Variants in ONECUT3 observed in about 807,000 individuals in gnomAD.
ONECUT3 encodes the protein one cut domain family member 3.
ONECUT3 carries 11 observed loss-of-function variants against 16.8 expected under a neutral mutation model. That is an observed-to-expected ratio of 0.66 (90% confidence interval 0.41 to 1.09). ONECUT3 has a LOEUF of 1.09. Among genes scored for constraint, ONECUT3 ranks in the 50% least tolerant of loss-of-function variants. The probability of loss-of-function intolerance (pLI) is 0.00; values close to 1 mark genes in which losing one functional copy is unlikely to be tolerated. For missense variants in ONECUT3, 637 were observed against 629.9 expected (o/e 1.01, Z -0.12); for synonymous variants, 344 against 310.7 (o/e 1.11, Z -1.13).
At position 1,772,686 on chromosome 19, in the gene ONECUT3, C is replaced by CTTTT. The variant is rs201848533; in HGVS notation, c.1193-2446_1193-2443dup. Among the ~76,000 whole-genome samples the CTTTT allele has an allele frequency of 3.6e-3, 232 of 63,996 alleles. 4 individuals are homozygous for CTTTT. Among genetic ancestry groups the CTTTT allele is most frequent in the Non-Finnish European group, 4.6e-3 (175 of 37,680 alleles). 42.0% of individuals were successfully genotyped at this position (63,996 alleles called of 152,430 possible). Reference sequence around the variant, plus strand: ...CATTTTCTGGGATATCTGCTTTACTCTTTTTTTTTTTTTTTTTTTTTTTTG... The same window carrying CTTTT: ...CATTTTCTGGGATATCTGCTTTACTCTTTTTTTTTTTTTTTTTTTTTTTTTTTTG... On this transcript the variant is annotated intron_variant, in intron 1 of 1. Coordinates refer to ENST00000382349, the MANE Select transcript of ONECUT3 (RefSeq NM_001080488.2).
rs879418916 is a variant in ONECUT3 at position 1,780,052 on chromosome 19, GAGAC to G, written c.*4613_*4616del. The G allele has an allele frequency of 2.6e-5, 4 of 152,508 alleles. No homozygotes were observed. The highest frequency in any genetic ancestry group is 3.9e-4 in the East Asian group (2 of 5,156). The allele number at this position is 152,508 out of a possible 1,614,324, so 9.4% of individuals were successfully genotyped here. On this transcript the variant is annotated 3_prime_UTR_variant, in exon 2 of 2. Transcript: ENST00000382349. The stretch of plus-strand genomic sequence containing the variant: ...GAATTCCCAAGTGTCTTGTTCAGAG[GAGAC>G]AGACAATCAGCCTATTCTTGTCTTG...
In ONECUT3 at chr19:1,778,899, C is replaced by CACAT. The variant is rs1312354254; in HGVS notation, c.*3457_*3458insTACA. 6.6e-6 allele frequency: 1 copy of CACAT among 152,640 alleles called. No homozygotes were observed. The highest frequency in any genetic ancestry group is 1.9e-4 in the East Asian group (1 of 5,198). 9.5% of individuals were successfully genotyped at this position (152,640 alleles called of 1,614,324 possible). ...ACACACACACACACACACACACACACACACACACACACACCCCTACCTGTT... is the reference window on the plus strand; with the variant it reads ...ACACACACACACACACACACACACACACATACACACACACACACCCCTACCTGTT... On this transcript the variant is annotated 3_prime_UTR_variant, in exon 2 of 2. Coordinates refer to ENST00000382349, the MANE Select transcript of ONECUT3 (RefSeq NM_001080488.2).
In ONECUT3 at chr19:1,762,416, C is replaced by T. The variant is rs567781971; in HGVS notation, c.1192+7562C>T. Among the ~76,000 whole-genome samples, 1 of 152,362 alleles carries T rather than the reference C, an allele frequency of 6.6e-6. No homozygotes were observed. The highest frequency in any genetic ancestry group is 1.5e-5 in the Non-Finnish European group (1 of 68,020). On this transcript the variant is annotated intron_variant, in intron 1 of 1. Transcript: ENST00000382349. This position sits in a 1 kb window ranked among gnomAD's most constrained non-coding sequence, Gnocchi z 4.4. ...AGTTGCGGGGCAGCAGGGGTCCACG[C>T]ATTTCCAAGCGCCCTTTCCCGTCCA... is the stretch of plus-strand genomic sequence containing the variant.
rs8100213 is a variant in ONECUT3 at position 1,759,146 on chromosome 19, A to T, written c.1192+4292A>T. Among the ~76,000 whole-genome samples the T allele has an allele frequency of 3.5e-3, 531 of 152,262 alleles. 3 individuals carry two copies. Among genetic ancestry groups the T allele is most frequent in the African/African-American group, 0.012 (504 of 41,544 alleles). ...CAGAACGAAGTGTCCTAGGGACAAAAACCAGAGCTGTGTATGGAGTTGCAT... is the reference window on the plus strand; with the variant it reads ...CAGAACGAAGTGTCCTAGGGACAAATACCAGAGCTGTGTATGGAGTTGCAT... On this transcript the variant is annotated intron_variant, in intron 1 of 1. Transcript: ENST00000382349. The surrounding 1 kb of genome is among the most constrained non-coding windows in gnomAD (Gnocchi z 4.1).
At position 1,771,988 on chromosome 19, in the gene ONECUT3, ATTATTTATTTATTTAT is replaced by A. The variant is rs61311263; in HGVS notation, c.1193-3138_1193-3123del. On this transcript the variant is annotated intron_variant, in intron 1 of 1. Transcript: ENST00000382349. ...GCCACTTCATCCAGCCTATTTAGTTATTATTTATTTATTTATTTATTTATTTATTTATTTATTTATT... is the reference window on the plus strand; with the variant it reads ...GCCACTTCATCCAGCCTATTTAGTTATTATTTATTTATTTATTTATTTATT... 1.7e-3 allele frequency among the ~76,000 whole-genome samples: 247 copies of A among 141,392 alleles called. 1 individual carries two copies. Among genetic ancestry groups the A allele is most frequent in the African/African-American group, 5.8e-3 (220 of 38,156 alleles). The allele number at this position is 141,392 out of a possible 152,430, so 92.8% of individuals were successfully genotyped here.
At chr19:1,772,057 C>T (rs2068060506) in intron 1 of ONECUT3, among the ~76,000 whole-genome samples, 1 of 151,390 alleles carries the variant, frequency 6.6e-6, no homozygotes, top group South Asian at 2.1e-4. Flanking sequence ...CTCTGTTGCC[C>T]AGGCTGGAGT....
chr19:1,753,543 T>G lies in ONECUT3; in HGVS notation c.-120T>G. On this transcript the variant is annotated 5_prime_UTR_variant, in exon 1 of 2. Transcript: ENST00000382349. Reference sequence around the variant, plus strand: ...CCGCGCTCGCAGCCGGGCCGGGCCGTGCGCCGCGCAGCCTGGCAGCCTCGC... The same window carrying G: ...CCGCGCTCGCAGCCGGGCCGGGCCGGGCGCCGCGCAGCCTGGCAGCCTCGC... 1 of 291,676 alleles carries G rather than the reference T, an allele frequency of 3.4e-6. No homozygotes were observed. The highest frequency in any genetic ancestry group is 5.2e-6 in the Non-Finnish European group (1 of 192,222). The allele number at this position is 291,676 out of a possible 1,614,324, so 18.1% of individuals were successfully genotyped here. A position where few individuals can be genotyped will look rare whatever the true frequency, so the allele number is the denominator to read the frequency against.
At chr19:1,771,615 C>G (rs1256652076) in intron 1 of ONECUT3, among the ~76,000 whole-genome samples, 1 of 152,102 alleles carries the variant, frequency 6.6e-6, no homozygotes, top group Non-Finnish European at 1.5e-5. Context: ...ATTCTTGGTG[C>G]TCTGAAATTT....
At position 1,778,926 on chromosome 19, in the gene ONECUT3, C is replaced by T. The variant is rs1464186006; in HGVS notation, c.*3481C>T. ...CACACACACACACCCCTACCTGTTT[C>T]CGGACCCCACCCCAAACTTGGCCAG... is the stretch of plus-strand genomic sequence containing the variant. On this transcript the variant is annotated 3_prime_UTR_variant, in exon 2 of 2. Transcript: ENST00000382349. 6.7e-6 allele frequency: 1 copy of T among 149,386 alleles called. No homozygotes were observed. Among genetic ancestry groups the T allele is most frequent in the Non-Finnish European group, 1.5e-5 (1 of 67,868 alleles). The allele number at this position is 149,386 out of a possible 1,614,324, so 9.3% of individuals were successfully genotyped here.
At chr19:1,757,617 C>T (rs1020892173) in intron 1 of ONECUT3, among the ~76,000 whole-genome samples, 16 of 152,246 alleles carry the variant, frequency 1.1e-4, no homozygotes, top group African/African-American at 2.9e-4. Context: ...ACCTTGCGCA[C>T]CTGTCGCGTC....
rs1178306412 is a variant in ONECUT3 at position 1,762,246 on chromosome 19, G to GCCCTCCAA, written c.1192+7399_1192+7406dup. On this transcript the variant is annotated intron_variant, in intron 1 of 1. Coordinates refer to ENST00000382349, the MANE Select transcript of ONECUT3 (RefSeq NM_001080488.2). The surrounding 1 kb of genome is among the most constrained non-coding windows in gnomAD (Gnocchi z 4.4). ...CGCGCGCCCCCAGCTGCGCCCGCCA[G>GCCCTCCAA]CCCTCCAACCCTCCTGCCCTCCTGC... 6.6e-6 allele frequency among the ~76,000 whole-genome samples: 1 copy of GCCCTCCAA among 152,172 alleles called. No individual in the cohort carries two copies. Among genetic ancestry groups the GCCCTCCAA allele is most frequent in the Non-Finnish European group, 1.5e-5 (1 of 68,026 alleles).
At position 1,754,370 on chromosome 19, in the gene ONECUT3, G is replaced by A; in HGVS notation, c.708G>A (p.Gly236=). 1.8e-6 allele frequency: 2 copies of A among 1,104,174 alleles called. No individual in the cohort carries two copies. The highest frequency in any genetic ancestry group is 2.4e-5 in the South Asian group (1 of 41,964). 68.4% of individuals were successfully genotyped at this position (1,104,174 alleles called of 1,614,324 possible). A position where few individuals can be genotyped will look rare whatever the true frequency, so the allele number is the denominator to read the frequency against. Reference sequence around the variant, plus strand: ...ACGGCCCGCCAGGCCACCTGGCTGGGGACAAGCTGCTGCCGCCCGCCGCCT... The same window carrying A: ...ACGGCCCGCCAGGCCACCTGGCTGGAGACAAGCTGCTGCCGCCCGCCGCCT... ...AAYGPPGHLA[G]DKLLPPAAFE... The change falls in exon 1 of 2, where the codon GGG becomes GGA. Residue 236 remains glycine (G), a synonymous_variant. Coordinates refer to ENST00000382349, the MANE Select transcript of ONECUT3 (RefSeq NM_001080488.2). This position sits in a 1 kb window ranked among gnomAD's most constrained non-coding sequence, Gnocchi z 7.4.
At position 1,773,680 on chromosome 19, in the gene ONECUT3, G is replaced by A. The variant is rs140831200; in HGVS notation, c.1193-1473G>A. 1.6e-3 allele frequency among the ~76,000 whole-genome samples: 238 copies of A among 152,308 alleles called. 2 individuals carry two copies. The highest frequency in any genetic ancestry group is 5.5e-3 in the African/African-American group (228 of 41,556). On this transcript the variant is annotated intron_variant, in intron 1 of 1. Transcript: ENST00000382349. ...GGGGTCACAGAGTAGCTGGAACTCC[G>A]GGATGGAGACAAGGGCAGGACAGCC...
rs556459752 is a variant in ONECUT3 at position 1,775,015 on chromosome 19, G to A, written c.1193-138G>A. On this transcript the variant is annotated intron_variant, in intron 1 of 1. Coordinates refer to ENST00000382349, the MANE Select transcript of ONECUT3 (RefSeq NM_001080488.2). ...TTCTGGGCTCTCCCTGGGACCTTAT[G>A]TGCATTCGCCTTTCCCCAACGTGTC... is the stretch of plus-strand genomic sequence containing the variant. 3 of 582,194 alleles carry A rather than the reference G, an allele frequency of 5.2e-6. No homozygotes were observed. In the African/African-American group the frequency reaches 6.0e-5, roughly 12 times the overall value. The allele number at this position is 582,194 out of a possible 1,614,324, so 36.1% of individuals were successfully genotyped here.
rs185784220 is a variant in ONECUT3 at position 1,777,078 on chromosome 19, G to A, written c.*1633G>A. 61 of 152,322 alleles carry A rather than the reference G, an allele frequency of 4.0e-4. No individual in the cohort carries two copies. The highest frequency in any genetic ancestry group is 2.6e-3 in the Admixed American group (40 of 15,302). The allele number at this position is 152,322 out of a possible 1,614,324, so 9.4% of individuals were successfully genotyped here. ...AGAGAAAGGGAGAGAGGGAGGGAGA[G>A]GATCGTGAGGTCGAAGAGTGCCTTC... On this transcript the variant is annotated 3_prime_UTR_variant, in exon 2 of 2. Coordinates refer to ENST00000382349, the MANE Select transcript of ONECUT3 (RefSeq NM_001080488.2).
In ONECUT3 at chr19:1,754,385, G is replaced by T. The variant is rs1458587265; in HGVS notation, c.723G>T (p.Pro241=). ...PGHLAGDKLL[P]PAAFEPHAAL... is the part of the protein sequence containing the mutation. ...ACCTGGCTGGGGACAAGCTGCTGCC[G>T]CCCGCCGCCTTCGAGCCGCACGCCG... is the stretch of plus-strand genomic sequence containing the variant. Residue 241 remains proline, a synonymous_variant, in exon 1 of 2, where the codon CCG becomes CCT. Coordinates refer to ENST00000382349, the MANE Select transcript of ONECUT3 (RefSeq NM_001080488.2). The surrounding 1 kb of genome is among the most constrained non-coding windows in gnomAD (Gnocchi z 7.4). 2.7e-6 allele frequency: 3 copies of T among 1,100,910 alleles called. No individual in the cohort carries two copies. The Admixed American group carries it at 1.2e-4, about 43-fold the overall frequency. The allele number at this position is 1,100,910 out of a possible 1,614,324, so 68.2% of individuals were successfully genotyped here. A position where few individuals can be genotyped will look rare whatever the true frequency, so the allele number is the denominator to read the frequency against.
chr19:1,774,262 G>A (rs1343431420), intron 1 of ONECUT3, among the ~76,000 whole-genome samples: 1 of 152,110 alleles, frequency 6.6e-6, no homozygotes, highest in African/African-American at 2.4e-5. Context: ...CCTTACAGGA[G>A]TGTCGCTGCT....
intron 1 of ONECUT3, among the ~76,000 whole-genome samples, chr19:1,767,786 C>T (rs2068006705): frequency 6.6e-6 from 1 of 152,204 alleles, no homozygotes; most frequent in African/African-American, 2.4e-5. Context: ...TGCCCTGGGG[C>T]GGGAGGCTGG....
At chr19:1,763,777 A>C (rs10412454) in intron 1 of ONECUT3, among the ~76,000 whole-genome samples, 106,335 of 148,420 alleles carry the variant, frequency 0.72, 38,675 homozygotes, top group African/African-American at 0.86. Context: ...AGATGCTCCG[A>C]GATTCTTCCC....
Sources: gnomAD v4.1 joint callset for allele counts (sites outside exome capture counted in the v4.1 genomes callset) on GRCh38, gnomAD v4.1.1 for gene constraint, Gnocchi (gnomAD v3.1) non-coding constraint, MANE v1.5 for transcripts, NCBI Gene and HGNC (gene_info 2026-07-23, HGNC 2026-07-21) for gene names.